The following ZBTB7C variants were observed in gnomAD, a reference collection of about 807,000 sequenced individuals.
ZBTB7C encodes zinc finger and BTB domain-containing protein 7C.
In ZBTB7C, 8 loss-of-function variants were observed where a neutral mutation model predicts 25.7. The ratio of observed to expected loss-of-function variants is 0.31; its 90% CI spans 0.18 to 0.56. The LOEUF is 0.56. ZBTB7C is among the 20% of genes least tolerant of loss of function. The probability of loss-of-function intolerance (pLI) is 0.91; values close to 1 mark genes in which losing one functional copy is unlikely to be tolerated. For synonymous variants in ZBTB7C, 394 were observed against 369.0 expected (o/e 1.07, Z -0.78); for missense variants, 824 against 855.2 (o/e 0.96, Z 0.46).
chr18:48,354,657 G>T (rs2046938224), intron 1 of ZBTB7C, among the ~76,000 whole-genome samples: 1 of 152,120 alleles, frequency 6.6e-6, no homozygotes, highest in Non-Finnish European at 1.5e-5. Context: ...TCAGGAACTT[G>T]ACTTGAGAGA....
chr18:48,312,393 C>T (rs1431527854), intron 2 of ZBTB7C, among the ~76,000 whole-genome samples: 2 of 152,154 alleles, frequency 1.3e-5, no homozygotes. Context: ...TCATATCATC[C>T]CTTGTGTCAG....
chr18:48,189,944 C>T (rs1313359885), intron 2 of ZBTB7C, among the ~76,000 whole-genome samples: 1 of 152,178 alleles, frequency 6.6e-6, no homozygotes, highest in African/African-American at 2.4e-5. Flanking sequence ...CCTGGCTCTT[C>T]CCGACAGGTG....
At chr18:48,034,429 C>T (rs545059365) in intron 4 of ZBTB7C, among the ~76,000 whole-genome samples, 1 of 152,204 alleles carries the variant, frequency 6.6e-6, no homozygotes, top group South Asian at 2.1e-4. Flanking sequence ...ATGTCTTGTG[C>T]TTGGACACTG....
intron 1 of ZBTB7C, among the ~76,000 whole-genome samples, chr18:48,377,905 C>G (rs538682068): frequency 8.6e-4 from 131 of 152,270 alleles, no homozygotes; most frequent in African/African-American, 3.0e-3. Context: ...GGCACGGTGG[C>G]TCACGCCTGT....
intron 3 of ZBTB7C, among the ~76,000 whole-genome samples, chr18:48,182,329 AAAC>A (rs1286592274): frequency 1.3e-5 from 2 of 152,180 alleles, no homozygotes; most frequent in African/African-American, 4.8e-5. Flanking sequence ...TGCAAGAGAA[AAAC>A]ATATCTGCCA....
intron 3 of ZBTB7C, among the ~76,000 whole-genome samples, chr18:48,109,698 G>A (rs1173099084): frequency 6.6e-6 from 1 of 152,182 alleles, no homozygotes; most frequent in African/African-American, 2.4e-5. Flanking sequence ...GGCAGGGCCT[G>A]CAGAGGAGGG....
chr18:48,319,943 C>G (rs184317054), intron 2 of ZBTB7C, among the ~76,000 whole-genome samples: 4 of 152,008 alleles, frequency 2.6e-5, no homozygotes, highest in Non-Finnish European at 5.9e-5. Context: ...CTGTCTGGGC[C>G]GTGGGTTTAT....
intron 2 of ZBTB7C, among the ~76,000 whole-genome samples, chr18:48,288,493 CAAA>C (rs35867063): frequency 1.2e-5 from 1 of 86,432 alleles, no homozygotes. Flanking sequence ...ACTAAAAGTA[CAAA>C]AAAAAAAAAA....
intron 2 of ZBTB7C, among the ~76,000 whole-genome samples, chr18:48,204,569 T>C (rs1488240472): frequency 2.0e-5 from 3 of 152,122 alleles, no homozygotes; most frequent in Non-Finnish European, 4.4e-5. Flanking sequence ...TCCTGAGACA[T>C]TCCTTCCCTT....
intron 1 of ZBTB7C, among the ~76,000 whole-genome samples, chr18:48,402,264 TAAA>T (rs34563418): frequency 4.6e-5 from 6 of 131,324 alleles, no homozygotes; most frequent in African/African-American, 2.8e-5. Context: ...TATTTTTAGG[TAAA>T]AAAAAAAAAA....
In ZBTB7C at chr18:48,040,013, C is replaced by G. The variant is rs2144144184; in HGVS notation, c.1095G>C (p.Gln365His). ...TGATGACTTTGTGGCAGATGGGGCACTGCTGAGAGGCCTTGGGCTTCAGCT... is the reference window on the plus strand; with the variant it reads ...TGATGACTTTGTGGCAGATGGGGCAGTGCTGAGAGGCCTTGGGCTTCAGCT... Reference protein sequence around the residue: ...ERKLKPKASQQCPICHKVIMG... With the variant: ...ERKLKPKASQHCPICHKVIMG... Residue 365 changes from glutamine to histidine, a missense_variant, in exon 4 of 5, where the codon CAG becomes CAC. Transcript: ENST00000590800. The G allele has an allele frequency of 6.2e-7, 1 of 1,614,144 alleles. No individual in the cohort carries two copies. The highest frequency in any genetic ancestry group is 2.2e-5 in the East Asian group (1 of 44,870).
chr18:48,108,456 AG>A (rs1184084523), intron 3 of ZBTB7C, among the ~76,000 whole-genome samples: 1 of 152,104 alleles, frequency 6.6e-6, no homozygotes, highest in Non-Finnish European at 1.5e-5. Flanking sequence ...TTTTTGAGAT[AG>A]GGTCTCACTC....
At chr18:48,202,448 C>T (rs373874397) in intron 2 of ZBTB7C, among the ~76,000 whole-genome samples, 33 of 90,210 alleles carry the variant, frequency 3.7e-4, no homozygotes, top group African/African-American at 1.2e-3. Flanking sequence ...AGTCGCAGGG[C>T]GGGACAGAAG....
At chr18:48,045,235 T>A (rs1042213535) in intron 3 of ZBTB7C, among the ~76,000 whole-genome samples, 7 of 152,214 alleles carry the variant, frequency 4.6e-5, no homozygotes, top group African/African-American at 9.6e-5. Context: ...GGGGCTGGAA[T>A]GTGGAGACCA....
At chr18:48,367,202 T>TATACACACAC (rs1302394192) in intron 1 of ZBTB7C, among the ~76,000 whole-genome samples, 10 of 63,402 alleles carry the variant, frequency 1.6e-4, no homozygotes, top group African/African-American at 4.9e-4. Flanking sequence ...TATATATATA[T>TATACACACAC]ACACACACAC....
intron 2 of ZBTB7C, among the ~76,000 whole-genome samples, chr18:48,330,637 C>T (rs2046322432): frequency 1.3e-5 from 2 of 150,362 alleles, no homozygotes; most frequent in Admixed American, 6.6e-5. Flanking sequence ...TGCTTTGTCC[C>T]AGTGGTTTCT....
intron 2 of ZBTB7C, among the ~76,000 whole-genome samples, chr18:48,323,165 G>C (rs187245556): frequency 1.3e-5 from 2 of 152,146 alleles, no homozygotes; most frequent in African/African-American, 4.8e-5. Flanking sequence ...CCAACCACCT[G>C]TTCCCCAAAA....
At chr18:48,349,198 C>T (rs1252287818) in intron 1 of ZBTB7C, among the ~76,000 whole-genome samples, 1 of 152,186 alleles carries the variant, frequency 6.6e-6, no homozygotes, top group Non-Finnish European at 1.5e-5. Context: ...CCATACCCAT[C>T]AGGGGAGGGA....
chr18:48,143,132 G>C lies in ZBTB7C; in HGVS notation c.-17+42802C>G, dbSNP rs556813895. 2.6e-5 allele frequency among the ~76,000 whole-genome samples: 4 copies of C among 152,206 alleles called. No individual in the cohort carries two copies. In the East Asian group the frequency reaches 5.8e-4, roughly 22 times the overall value. On this transcript the variant is annotated intron_variant, in intron 3 of 4. Transcript: ENST00000590800. ...TCTCCAGCAGCCTCTCATCTCATTT[G>C]TTCCCCACCCTCAGGGGCCAGGAGC...
Sources: gnomAD v4.1 joint callset for allele counts (sites outside exome capture counted in the v4.1 genomes callset) on GRCh38, gnomAD v4.1.1 for gene constraint, MANE v1.5 for transcripts, NCBI Gene and HGNC (gene_info 2026-07-23, HGNC 2026-07-21) for gene names.